The following ANXA13 variants were observed in gnomAD, a reference collection of about 807,000 sequenced individuals.
ANXA13 encodes annexin A13.
ANXA13 carries 36 observed loss-of-function variants against 46.6 expected under a neutral mutation model. The observed-to-expected ratio is 0.77, with a 90% CI of 0.59 to 1.02. ANXA13 has a LOEUF of 1.02. Among genes scored for constraint, ANXA13 ranks in the 50% least tolerant of loss-of-function variants. The pLI is 0.00. For missense variants in ANXA13, 417 were observed against 396.5 expected, an observed-to-expected ratio of 1.05 and a Z score of -0.44; for synonymous variants, 163 against 152.9, an observed-to-expected ratio of 1.07 and a Z score of -0.49.
intron 2 of ANXA13, among the ~76,000 whole-genome samples, chr8:123,704,935 C>A (rs984643212): frequency 2.6e-5 from 4 of 152,366 alleles, no homozygotes; most frequent in African/African-American, 7.2e-5. Context: ...CCTAATCTCT[C>A]CTCTGAGTTC....
intron 1 of ANXA13, chr8:123,728,738 A>T (rs1814050735): frequency 6.6e-6 from 1 of 152,218 alleles, no homozygotes; most frequent in African/African-American, 2.4e-5. Context: ...TTTCTGTCTC[A>T]ATCAGTATCA....
chr8:123,693,815 C>A, intron 6 of ANXA13, 36 bp from the exon 7 acceptor site: 1 of 1,562,084 alleles, frequency 6.4e-7, no homozygotes. Flanking sequence ...AACTTGCATT[C>A]CTGCTTGACC....
chr8:123,714,049 G>C (rs1813712627), intron 1 of ANXA13, among the ~76,000 whole-genome samples: 3 of 152,174 alleles, frequency 2.0e-5, no homozygotes, highest in Admixed American at 1.3e-4. Context: ...ACTGGCAGTA[G>C]CACCGCAGTT....
chr8:123,700,891 C>T (rs569756778), intron 3 of ANXA13, among the ~76,000 whole-genome samples: 13 of 152,108 alleles, frequency 8.5e-5, no homozygotes, highest in Admixed American at 2.0e-4. Context: ...GGTGCAACTA[C>T]GGCTCACTGA....
chr8:123,718,024 C>T (rs183202310), intron 1 of ANXA13, among the ~76,000 whole-genome samples: 4 of 152,240 alleles, frequency 2.6e-5, no homozygotes, highest in Non-Finnish European at 5.9e-5. Context: ...TGTTGAAACT[C>T]CCTGCGATTC....
In ANXA13 at chr8:123,724,506, C is replaced by T. The variant is rs568039478; in HGVS notation, c.16-11753G>A. ...TAGTCTGAGAAAAATTAGAAACTTC[C>T]GCTGTTGATATCCCGGTAAAGGAGG... On this transcript the variant is annotated intron_variant, in intron 1 of 10. Coordinates refer to ENST00000419625, the MANE Select transcript of ANXA13 (RefSeq NM_004306.4). 5.3e-5 allele frequency among the ~76,000 whole-genome samples: 8 copies of T among 152,272 alleles called. No homozygotes were observed. The South Asian group carries it at 8.3e-4, about 16-fold the overall frequency.
chr8:123,732,036 C>T (rs569399737), intron 1 of ANXA13, among the ~76,000 whole-genome samples: 10 of 152,074 alleles, frequency 6.6e-5, no homozygotes, highest in Non-Finnish European at 1.2e-4. Flanking sequence ...AAAGAGATGA[C>T]GAGGTGATGA....
chr8:123,696,743 C>T (rs57034534), intron 4 of ANXA13, among the ~76,000 whole-genome samples: 16,562 of 152,080 alleles, frequency 0.11, 1,104 homozygotes, highest in African/African-American at 0.19. Flanking sequence ...TTCCAACCCG[C>T]AACCAGGATC....
rs80033381 is a variant in ANXA13, at chr8:123,699,640, C to A, written c.187-1081G>T. 2.5e-3 allele frequency among the ~76,000 whole-genome samples: 386 copies of A among 152,324 alleles called. 11 individuals are homozygous for A. The South Asian group carries it at 0.065, about 26-fold the overall frequency. On this transcript the variant is annotated intron_variant, in intron 3 of 10. Transcript: ENST00000419625. ...ATCAGCCTACCTAGAGTAGTTAATG[C>A]CCTAACTTAAACCAAAGACCTTCAC...
chr8:123,706,676 C>T (rs1016500072), intron 2 of ANXA13, among the ~76,000 whole-genome samples: 5 of 152,204 alleles, frequency 3.3e-5, no homozygotes, highest in Admixed American at 6.5e-5. Flanking sequence ...CCAGAACAAC[C>T]GTTCTGAAGT....
intron 1 of ANXA13, among the ~76,000 whole-genome samples, chr8:123,715,531 T>C (rs891376980): frequency 6.6e-6 from 1 of 152,318 alleles, no homozygotes; most frequent in Non-Finnish European, 1.5e-5. Context: ...TTGGGACACA[T>C]GATCTGTCCC....
At chr8:123,703,630 C>T (rs554180127) in intron 2 of ANXA13, among the ~76,000 whole-genome samples, 1 of 152,234 alleles carries the variant, frequency 6.6e-6, no homozygotes, top group South Asian at 2.1e-4. Flanking sequence ...AATATTAACC[C>T]CACCCATACA....
intron 1 of ANXA13, among the ~76,000 whole-genome samples, chr8:123,730,909 G>A (rs1012545461): frequency 6.6e-6 from 1 of 152,294 alleles, no homozygotes. Context: ...TGCATTCCGG[G>A]TGAGAAGCCT....
chr8:123,714,428 C>A (rs1813724549), intron 1 of ANXA13, among the ~76,000 whole-genome samples: 1 of 152,204 alleles, frequency 6.6e-6, no homozygotes, highest in Non-Finnish European at 1.5e-5. Context: ...GTCTAGGGCT[C>A]TTAGTGCCCA....
chr8:123,719,731 G>T (rs1813825530), intron 1 of ANXA13, among the ~76,000 whole-genome samples: 2 of 152,204 alleles, frequency 1.3e-5, no homozygotes, highest in African/African-American at 4.8e-5. Context: ...GTGCTAACAT[G>T]ATTGCATCTA....
chr8:123,717,262 G>T (rs547140248), intron 1 of ANXA13, among the ~76,000 whole-genome samples: 5 of 152,318 alleles, frequency 3.3e-5, no homozygotes, highest in African/African-American at 1.2e-4. Context: ...GTGTTGCAAG[G>T]CTTGAGGTTT....
intron 2 of ANXA13, among the ~76,000 whole-genome samples, chr8:123,709,086 C>T (rs1033664072): frequency 3.3e-5 from 5 of 152,214 alleles, no homozygotes; most frequent in African/African-American, 1.2e-4. Context: ...ACCCAGTTCA[C>T]CCTGAGTGAT....
intron 9 of ANXA13, among the ~76,000 whole-genome samples, chr8:123,687,899 G>A (rs1813169227): frequency 6.6e-6 from 1 of 152,196 alleles, no homozygotes; most frequent in South Asian, 2.1e-4. Context: ...GGCAACACCT[G>A]GAGAGGAGGT....
rs148542605 is a variant in ANXA13 at position 123,733,896 on chromosome 8, C to A, written c.15+3424G>T. Among the ~76,000 whole-genome samples, 15 of 152,284 alleles carry A rather than the reference C, an allele frequency of 9.9e-5. No individual in the cohort carries two copies. In the East Asian group the frequency reaches 2.9e-3, roughly 29 times the overall value. On this transcript the variant is annotated intron_variant, in intron 1 of 10. Coordinates refer to ENST00000419625, the MANE Select transcript of ANXA13 (RefSeq NM_004306.4). Reference sequence around the variant, plus strand: ...ATCTCAATGCAGGCAAGTTTGACAACGCGTTCCATAGTCCAGTGCTTCTAA... The same window carrying A: ...ATCTCAATGCAGGCAAGTTTGACAAAGCGTTCCATAGTCCAGTGCTTCTAA...
Sources: allele counts gnomAD v4.1 joint callset (sites outside exome capture counted in the v4.1 genomes callset), GRCh38; gene constraint gnomAD v4.1.1; transcripts MANE v1.5; gene names NCBI Gene and HGNC (gene_info 2026-07-23, HGNC 2026-07-21).